The following GEMIN8 variants were observed in gnomAD, a reference collection of about 807,000 sequenced individuals.
GEMIN8 encodes gem-associated protein 8.
For synonymous variants in GEMIN8, 80 were observed against 78.5 expected, an observed-to-expected ratio of 1.02 and a Z score of -0.10; for missense variants, 185 against 205.9, an observed-to-expected ratio of 0.90 and a Z score of 0.62.
At chrX:14,025,439 C>T (rs2158034) in intron 2 of GEMIN8, among the ~76,000 whole-genome samples, 3 of 110,098 alleles carry the variant, frequency 2.7e-5, no homozygotes, top group African/African-American at 9.9e-5. Flanking sequence ...TTTTGCCCAC[C>T]CCTGTTTCAT....
rs372224280 is a variant in GEMIN8, at chrX:14,015,668, A to G, written c.472+4410T>C. On this transcript the variant is annotated intron_variant, in intron 4 of 4. Transcript: ENST00000680255. The stretch of plus-strand genomic sequence containing the variant: ...GTTCCTGTGGAAGTGAATAATACTG[A>G]AAAGTTAAATCTTTCAAATTTAGTG... Among the ~76,000 whole-genome samples, 3 of 112,623 alleles carry G rather than the reference A, an allele frequency of 2.7e-5. No individual in the cohort carries two copies. The East Asian group carries it at 8.3e-4, about 31-fold the overall frequency.
intron 4 of GEMIN8, chrX:14,014,109 G>C (rs953500287): frequency 3.5e-5 from 26 of 748,920 alleles, no homozygotes; most frequent in Non-Finnish European, 4.1e-5. Context: ...TCCACACATA[G>C]AGCCCAAAGG....
chrX:13,989,998 C>T, the GEMIN8 span, among the ~76,000 whole-genome samples: 648 of 112,656 alleles, frequency 5.8e-3, 1 homozygote, highest in Non-Finnish European at 9.7e-3. Flanking sequence ...GAGCCATGTG[C>T]GATCATGAAA....
Position 14,007,120 on chromosome X carries a change from T to A in GEMIN8, c.*1793A>T, listed in dbSNP as rs1300818680. The stretch of plus-strand genomic sequence containing the variant: ...AGTTATGTGTCACCTCAAGGGAAAG[T>A]TAATTATCATTTTTGTCGGCAACAC... On this transcript the variant is annotated 3_prime_UTR_variant, in exon 5 of 5. Transcript: ENST00000680255. Among the ~76,000 whole-genome samples, 2 of 112,376 alleles carry A rather than the reference T, an allele frequency of 1.8e-5. No homozygotes were observed. The highest frequency in any genetic ancestry group is 5.5e-4 in the East Asian group (2 of 3,614).
chrX:14,028,478 C>T (rs2147147294), intron 1 of GEMIN8, among the ~76,000 whole-genome samples: 1 of 111,465 alleles, frequency 9.0e-6, no homozygotes, highest in Admixed American at 9.5e-5. Context: ...TTCACTTGTC[C>T]AGCTGTTCCG....
At position 14,007,827 on chromosome X, in the gene GEMIN8, G is replaced by A. The variant is rs1016700443; in HGVS notation, c.*1086C>T. Among the ~76,000 whole-genome samples the A allele has an allele frequency of 9.1e-6, 1 of 110,161 alleles. No homozygotes were observed. Among genetic ancestry groups the A allele is most frequent in the Non-Finnish European group, 1.9e-5 (1 of 52,730 alleles). On this transcript the variant is annotated 3_prime_UTR_variant, in exon 5 of 5. Coordinates refer to ENST00000680255, the MANE Select transcript of GEMIN8 (RefSeq NM_001042479.2). The stretch of plus-strand genomic sequence containing the variant: ...CAGGCATGAGCCACCGCGCCGGGCC[G>A]GAATTATTGTTCTTTGCTCTCAATT...
intron 2 of GEMIN8, among the ~76,000 whole-genome samples, chrX:14,021,816 A>ATATG (rs1555948882): frequency 2.5e-5 from 1 of 39,233 alleles, no homozygotes; most frequent in Non-Finnish European, 4.7e-5. Flanking sequence ...ATGTGTGTGT[A>ATATG]TATATATATA....
rs1923292218 is a variant in GEMIN8, at chrX:14,008,369, T to C, written c.*544A>G. 8.9e-6 allele frequency: 1 copy of C among 112,723 alleles called. No individual in the cohort carries two copies. The highest frequency in any genetic ancestry group is 3.3e-5 in the African/African-American group (1 of 30,618). 9.3% of individuals were successfully genotyped at this position (112,723 alleles called of 1,213,427 possible). ...CTGCTTTCACACTACAAAGGGAGGG[T>C]TGAGTAGTCACAACACTGACCGTGT... On this transcript the variant is annotated 3_prime_UTR_variant, in exon 5 of 5. Coordinates refer to ENST00000680255, the MANE Select transcript of GEMIN8 (RefSeq NM_001042479.2).
rs1034579821 is a variant in GEMIN8 at position 14,026,494 on chromosome X, C to T, written c.-115-273G>A. 21 of 418,338 alleles carry T rather than the reference C, an allele frequency of 5.0e-5. No homozygotes were observed. In the East Asian group the frequency reaches 5.7e-4, roughly 11 times the overall value. The allele number at this position is 418,338 out of a possible 1,213,427, so 34.5% of individuals were successfully genotyped here. A position where few individuals can be genotyped will look rare whatever the true frequency, so the allele number is the denominator to read the frequency against. On this transcript the variant is annotated intron_variant, in intron 1 of 4. Coordinates refer to ENST00000680255, the MANE Select transcript of GEMIN8 (RefSeq NM_001042479.2). ...TTTCCATATAGCCTCTCTTAAAAAACGGATTTACACTTCAGTACATCTGCT... is the reference window on the plus strand; with the variant it reads ...TTTCCATATAGCCTCTCTTAAAAAATGGATTTACACTTCAGTACATCTGCT...
At chrX:14,016,869 ATATATAT>A (rs1923962288) in intron 4 of GEMIN8, among the ~76,000 whole-genome samples, 3 of 54,025 alleles carry the variant, frequency 5.6e-5, no homozygotes, top group African/African-American at 2.3e-4. Flanking sequence ...AAAAAAAAAT[ATATATAT>A]ATATATATAT....
At chrX:14,011,982 C>G (rs1158627415) in intron 4 of GEMIN8, among the ~76,000 whole-genome samples, 1 of 111,559 alleles carries the variant, frequency 9.0e-6, no homozygotes, top group Non-Finnish European at 1.9e-5. Context: ...AATTTTCCAA[C>G]TTTGTACTCA....
At chrX:14,000,323 G>A in the GEMIN8 span, among the ~76,000 whole-genome samples, 2 of 109,309 alleles carry the variant, frequency 1.8e-5, no homozygotes, top group East Asian at 2.9e-4. Context: ...TAGGCCGGGC[G>A]CAGTGGCTCA....
chrX:13,993,679 C>T, the GEMIN8 span, among the ~76,000 whole-genome samples: 1 of 110,896 alleles, frequency 9.0e-6, no homozygotes, highest in African/African-American at 3.3e-5. Flanking sequence ...CCACTTCAAG[C>T]CTCTCAAACT....
chrX:14,021,829 T>TATATATATATAGTATATATATACTG lies in GEMIN8; in HGVS notation c.-33-319_-33-318insCAGTATATATATACTATATATATAT, dbSNP rs1202886258. On this transcript the variant is annotated intron_variant, in intron 2 of 4. Transcript: ENST00000680255. ...TAATGTGTGTGTATATATATATATATATATATATATATATAGTATATATAT... is the reference window on the plus strand; with the variant it reads ...TAATGTGTGTGTATATATATATATATATATATATATAGTATATATATACTGATATATATATATATAGTATATATAT... 6.0e-5 allele frequency among the ~76,000 whole-genome samples: 3 copies of TATATATATATAGTATATATATACTG among 50,094 alleles called. No homozygotes were observed. The South Asian group carries it at 2.6e-3, about 43-fold the overall frequency. The allele number at this position is 50,094 out of a possible 115,157, so 43.5% of individuals were successfully genotyped here.
At chrX:14,026,270 T>C in intron 1 of GEMIN8, 49 bp from the exon 2 acceptor site, 1 of 752,307 alleles carries the variant, frequency 1.3e-6, no homozygotes. Context: ...GATCCGCAGC[T>C]CTACAAACCC....
At chrX:13,989,873 A>G in the GEMIN8 span, among the ~76,000 whole-genome samples, 4 of 112,751 alleles carry the variant, frequency 3.5e-5, no homozygotes, top group East Asian at 1.1e-3. Flanking sequence ...AGAGACACTC[A>G]TAGAAGTATA....
At chrX:13,990,429 T>C in the GEMIN8 span, among the ~76,000 whole-genome samples, 2 of 112,630 alleles carry the variant, frequency 1.8e-5, no homozygotes, top group African/African-American at 6.5e-5. Flanking sequence ...GGTATATTTC[T>C]CTACGAATTC....
At position 14,021,824 on chromosome X, in the gene GEMIN8, A is replaced by G. The variant is rs1342951147; in HGVS notation, c.-33-313T>C. 2.0e-4 allele frequency among the ~76,000 whole-genome samples: 10 copies of G among 49,473 alleles called. 1 individual carries two copies. Among genetic ancestry groups the G allele is most frequent in the African/African-American group, 8.1e-4 (9 of 11,180 alleles). 43.0% of individuals were successfully genotyped at this position (49,473 alleles called of 115,157 possible). Reference sequence around the variant, plus strand: ...GTAGTTAATGTGTGTGTATATATATATATATATATATATATATATAGTATA... The same window carrying G: ...GTAGTTAATGTGTGTGTATATATATGTATATATATATATATATATAGTATA... On this transcript the variant is annotated intron_variant, in intron 2 of 4. Transcript: ENST00000680255.
intron 2 of GEMIN8, among the ~76,000 whole-genome samples, chrX:14,021,944 ATATGTATATG>A (rs1294730185): frequency 1.5e-4 from 15 of 98,430 alleles, no homozygotes; most frequent in African/African-American, 5.7e-4. Context: ...ACACACATAT[ATATGTATATG>A]TATGTATACA....
Sources: gnomAD v4.1 joint callset for allele counts (sites outside exome capture counted in the v4.1 genomes callset) on GRCh38, gnomAD v4.1.1 for gene constraint, MANE v1.5 for transcripts, NCBI Gene and HGNC (gene_info 2026-07-23, HGNC 2026-07-21) for gene names.